The following CSE1L variants were observed in gnomAD, a reference collection of about 807,000 sequenced individuals.
CSE1L encodes the protein chromosome segregation 1 like, also known as exportin-2.
Under a neutral mutation model 120.4 loss-of-function variants are expected in CSE1L, and 24 were observed. That is an observed-to-expected ratio of 0.20 (90% CI 0.14 to 0.28). The LOEUF (loss-of-function observed/expected upper bound fraction) is 0.28. Ranked by LOEUF, CSE1L falls within the 10% of genes least tolerant of loss-of-function variation. The pLI, the probability that CSE1L is intolerant of heterozygous loss-of-function variation, is 1.00. For missense variants in CSE1L, 830 were observed against 1,145.2 expected, an observed-to-expected ratio of 0.72 and a Z score of 3.97; for synonymous variants, 402 against 398.3, an observed-to-expected ratio of 1.01 and a Z score of -0.11.
chr20:49,093,450 T>C (rs1168586100), intron 22 of CSE1L, among the ~76,000 whole-genome samples: 1 of 152,164 alleles, frequency 6.6e-6, no homozygotes, highest in African/African-American at 2.4e-5. Context: ...TTAGCATTTA[T>C]GTACCTGCAG....
chr20:49,092,007 G>C, intron 21 of CSE1L, 39 bp from the exon 22 acceptor site: 1 of 1,121,638 alleles, frequency 8.9e-7, no homozygotes. Flanking sequence ...TTTAGTGCGT[G>C]AGTTCTCTAT....
At chr20:49,075,240 T>G in intron 11 of CSE1L, 78 bp from the exon 12 acceptor site, 1 of 1,203,936 alleles carries the variant, frequency 8.3e-7, no homozygotes, top group Non-Finnish European at 1.2e-6. Context: ...TTCCAGGCAA[T>G]TTGTTTTCTT....
chr20:49,053,446 C>T (rs1420541179), intron 1 of CSE1L, among the ~76,000 whole-genome samples: 2 of 143,758 alleles, frequency 1.4e-5, no homozygotes, highest in East Asian at 4.4e-4. Context: ...GCAACCTTTG[C>T]CTCCCAGGTT....
Position 49,058,563 on chromosome 20 carries a change from C to A in CSE1L, c.85+15C>A. On this transcript the variant is annotated intron_variant, in intron 2 of 24. Transcript: ENST00000262982. ...CCGACGTCCAGGTAAAGAAAATAAA[C>A]GTTTTTTGGTTGATTAATTCCTTCA... 6.2e-7 allele frequency: 1 copy of A among 1,605,410 alleles called. No individual in the cohort carries two copies. Among genetic ancestry groups the A allele is most frequent in the Non-Finnish European group, 8.5e-7 (1 of 1,172,922 alleles).
chr20:49,071,091 C>T (rs1237680311), intron 8 of CSE1L, among the ~76,000 whole-genome samples: 6 of 152,116 alleles, frequency 3.9e-5, no homozygotes, highest in Non-Finnish European at 8.8e-5. Context: ...ATATTTATGA[C>T]CTTCTTTCCG....
At chr20:49,046,867 C>G (rs930344218) in intron 1 of CSE1L, among the ~76,000 whole-genome samples, 18 of 152,236 alleles carry the variant, frequency 1.2e-4, no homozygotes, top group African/African-American at 3.4e-4. Context: ...CGAGGCCTGC[C>G]CGGGCGGGGA....
chr20:49,089,488 T>G (rs2092084914), intron 18 of CSE1L, 50 bp from the exon 19 acceptor site: 1 of 1,606,616 alleles, frequency 6.2e-7, no homozygotes, highest in African/African-American at 1.3e-5. Context: ...GCCTTTTGTG[T>G]CAGTCATTCC....
In CSE1L at chr20:49,089,255, C is replaced by G. The variant is rs141477153; in HGVS notation, c.1830C>G (p.Ser610Arg). ...QKLLAVSKNP[S>R]KPHFNHYMFE... ...TTTTTTTTTAATTTCAGAACCCAAG[C>G]AAACCTCACTTTAATCACTACATGT... Residue 610 changes from serine to arginine, a missense_variant, in exon 18 of 25, where the codon AGC becomes AGG. Physicochemically the swap from Ser to Arg is moderately radical, Grantham distance 110. Transcript: ENST00000262982. 6.4e-7 allele frequency: 1 copy of G among 1,571,046 alleles called. No individual in the cohort carries two copies. The highest frequency in any genetic ancestry group is 8.6e-7 in the Non-Finnish European group (1 of 1,166,180).
chr20:49,055,187 G>A (rs2091796966), intron 1 of CSE1L, among the ~76,000 whole-genome samples: 1 of 152,190 alleles, frequency 6.6e-6, no homozygotes, highest in Non-Finnish European at 1.5e-5. Context: ...TGCATACTAA[G>A]TGAGATAAAT....
At chr20:49,074,950 G>GT in intron 11 of CSE1L, 100 bp downstream of exon 11, 6 of 836,558 alleles carry the variant, frequency 7.2e-6, no homozygotes, top group Admixed American at 3.0e-5. Flanking sequence ...GAATAAGAGT[G>GT]TTTTTTCAGC....
chr20:49,095,228 A>G (rs2092130818), intron 24 of CSE1L: 1 of 520,724 alleles, frequency 1.9e-6, no homozygotes, highest in Non-Finnish European at 3.4e-6. Context: ...ATAAGGCTGT[A>G]TAGTTGCATT....
chr20:49,081,497 C>T (rs1319635851), intron 14 of CSE1L, among the ~76,000 whole-genome samples: 2 of 152,210 alleles, frequency 1.3e-5, no homozygotes, highest in Admixed American at 1.3e-4. Context: ...ATAGAGAATA[C>T]CTGCTTCCCC....
intron 12 of CSE1L, among the ~76,000 whole-genome samples, chr20:49,076,363 T>C (rs2091968307): frequency 6.6e-6 from 1 of 150,674 alleles, no homozygotes; most frequent in Admixed American, 6.6e-5. Flanking sequence ...ATTTTGTATT[T>C]GTAGTAGAGA....
intron 1 of CSE1L, among the ~76,000 whole-genome samples, chr20:49,051,093 T>A (rs1367733542): frequency 6.6e-6 from 1 of 152,086 alleles, no homozygotes; most frequent in African/African-American, 2.4e-5. Flanking sequence ...TACAATCTAG[T>A]GAAGAGAGAA....
At position 49,047,564 on chromosome 20, in the gene CSE1L, CTTTTTTTTTTTTTTT is replaced by C. The variant is rs59986218; in HGVS notation, c.-12+1155_-12+1169del. 1.2e-3 allele frequency among the ~76,000 whole-genome samples: 85 copies of C among 69,918 alleles called. 1 individual carries two copies. The highest frequency in any genetic ancestry group is 6.0e-3 in the African/African-American group (78 of 12,996). 45.9% of individuals were successfully genotyped at this position (69,918 alleles called of 152,430 possible). A position where few individuals can be genotyped will look rare whatever the true frequency, so the allele number is the denominator to read the frequency against. On this transcript the variant is annotated intron_variant, in intron 1 of 24. Transcript: ENST00000262982. ...TCTTTTTCTTTTTCTTTTCTCTTTT[CTTTTTTTTTTTTTTT>C]TTTTTTTTTTTTTGAGAGAGAGAGT...
intron 1 of CSE1L, among the ~76,000 whole-genome samples, chr20:49,047,144 A>C (rs2123625668): frequency 6.6e-6 from 1 of 152,260 alleles, no homozygotes; most frequent in Middle Eastern, 3.4e-3. Context: ...CTTTGGAATT[A>C]GATCGCCTGG....
intron 13 of CSE1L, among the ~76,000 whole-genome samples, chr20:49,078,015 T>A (rs1025230780): frequency 2.6e-5 from 4 of 151,860 alleles, no homozygotes; most frequent in African/African-American, 9.7e-5. Flanking sequence ...AAAAAAAAAA[T>A]TAAGGATAGT....
chr20:49,074,349 G>A (rs191531529), intron 10 of CSE1L, among the ~76,000 whole-genome samples: 4 of 151,884 alleles, frequency 2.6e-5, no homozygotes, highest in Admixed American at 6.6e-5. Flanking sequence ...TAGGTTACAC[G>A]CGTGAGCCAC....
intron 21 of CSE1L, 79 bp from the exon 22 acceptor site, chr20:49,091,967 G>T (rs1301460324): frequency 1.3e-6 from 1 of 753,038 alleles, no homozygotes; most frequent in Non-Finnish European, 2.3e-6. Context: ...ATTAAGCATA[G>T]GTTTATTTTG....
Sources: allele counts gnomAD v4.1 joint callset (sites outside exome capture counted in the v4.1 genomes callset), GRCh38; gene constraint gnomAD v4.1.1; transcripts MANE v1.5; gene names NCBI Gene and HGNC (gene_info 2026-07-23, HGNC 2026-07-21).